Variants in NRDE2 observed in about 807,000 individuals in gnomAD.
NRDE2 encodes nuclear exosome regulator NRDE2.
NRDE2 carries 76 observed loss-of-function variants against 124.2 expected under a neutral mutation model. That is an observed-to-expected ratio of 0.61 (90% CI 0.51 to 0.74). The LOEUF is 0.74. Among genes scored for constraint, NRDE2 ranks in the 30% least tolerant of loss-of-function variants. The pLI is 0.00. For missense variants in NRDE2, 1,314 were observed against 1,417.3 expected (o/e 0.93, Z 1.17); for synonymous variants, 489 against 528.1 (o/e 0.93, Z 1.01).
chr14:90,284,611 C>T (rs771527886), intron 12 of NRDE2, among the ~76,000 whole-genome samples: 19 of 152,078 alleles, frequency 1.2e-4, no homozygotes, highest in African/African-American at 2.9e-4. Context: ...TCAGGTGATC[C>T]GGCTCCCTCA....
rs761465100 is a variant in NRDE2 at position 90,276,035 on chromosome 14, C to G, written c.*2301G>C. 1 of 152,182 alleles carries G rather than the reference C, an allele frequency of 6.6e-6. No individual in the cohort carries two copies. The highest frequency in any genetic ancestry group is 2.1e-4 in the South Asian group (1 of 4,830). 9.4% of individuals were successfully genotyped at this position (152,182 alleles called of 1,614,324 possible). A position where few individuals can be genotyped will look rare whatever the true frequency, so the allele number is the denominator to read the frequency against. Reference sequence around the variant, plus strand: ...CTGTCCCAAACCCGAGGTGGGCCGACCCCTGTGGTCTGATGTGATCAGTGA... The same window carrying G: ...CTGTCCCAAACCCGAGGTGGGCCGAGCCCTGTGGTCTGATGTGATCAGTGA... On this transcript the variant is annotated 3_prime_UTR_variant, in exon 14 of 14. Coordinates refer to ENST00000354366, the MANE Select transcript of NRDE2 (RefSeq NM_017970.4).
chr14:90,272,285 G>C lies in NRDE2; in HGVS notation c.*6051C>G. 6.2e-7 allele frequency: 1 copy of C among 1,603,796 alleles called. No homozygotes were observed. Among genetic ancestry groups the C allele is most frequent in the Non-Finnish European group, 8.5e-7 (1 of 1,178,162 alleles). On this transcript the variant is annotated 3_prime_UTR_variant, in exon 14 of 14. Transcript: ENST00000354366. The surrounding 1 kb of genome is among the most constrained non-coding windows in gnomAD (Gnocchi z 4.5). ...TTCTTTCTTACAGGCAATCTGTACA[G>C]AAGCTGGTCTGATGGCCTTAAGAGA...
intron 6 of NRDE2, 54 bp downstream of exon 6, chr14:90,302,666 A>T (rs1884447192): frequency 6.2e-6 from 9 of 1,461,900 alleles, no homozygotes; most frequent in African/African-American, 4.2e-5. Context: ...TTTCAAGTAA[A>T]GCCAAAAGAA....
chr14:90,292,962 C>T (rs1892313691), intron 8 of NRDE2, 90 bp from the exon 9 acceptor site: 1 of 1,178,704 alleles, frequency 8.5e-7, no homozygotes, highest in Admixed American at 1.9e-5. Context: ...CTGTTGGGCA[C>T]CCGCAATGCC....
intron 1 of NRDE2, among the ~76,000 whole-genome samples, chr14:90,323,077 T>C (rs1191388761): frequency 1.3e-5 from 2 of 152,238 alleles, no homozygotes; most frequent in African/African-American, 2.4e-5. Context: ...CATTGTATTA[T>C]GCATACACAC....
intron 1 of NRDE2, among the ~76,000 whole-genome samples, chr14:90,330,005 G>A (rs573631004): frequency 3.3e-5 from 5 of 149,736 alleles, no homozygotes; most frequent in African/African-American, 9.8e-5. Flanking sequence ...TTAGGAGTTC[G>A]AGACCAGCCT....
At chr14:90,315,894 T>C (rs1277128828) in intron 3 of NRDE2, among the ~76,000 whole-genome samples, 3 of 148,584 alleles carry the variant, frequency 2.0e-5, no homozygotes, top group Non-Finnish European at 4.4e-5. Flanking sequence ...GAGGTAAAGG[T>C]TGTGGTGAGC....
In NRDE2 at chr14:90,279,046, G is replaced by A. The variant is rs1199751026; in HGVS notation, c.3369+16C>T. The A allele has an allele frequency of 1.3e-6, 2 of 1,583,244 alleles. No homozygotes were observed. Among genetic ancestry groups the A allele is most frequent in the African/African-American group, 1.3e-5 (1 of 74,658 alleles). The stretch of plus-strand genomic sequence containing the variant: ...GTTTTCGGGAAGCTGAAGACACCAT[G>A]GCCTTTAACACTTACCTTTGCCCAA... On this transcript the variant is annotated intron_variant, in intron 13 of 13. Coordinates refer to ENST00000354366, the MANE Select transcript of NRDE2 (RefSeq NM_017970.4).
At position 90,271,955 on chromosome 14, in the gene NRDE2, C is replaced by T. The variant is rs1458402410; in HGVS notation, c.*6381G>A. 4 of 197,006 alleles carry T rather than the reference C, an allele frequency of 2.0e-5. No individual in the cohort carries two copies. Among genetic ancestry groups the T allele is most frequent in the South Asian group, 6.6e-5 (1 of 15,264 alleles). The allele number at this position is 197,006 out of a possible 1,614,324, so 12.2% of individuals were successfully genotyped here. On this transcript the variant is annotated 3_prime_UTR_variant, in exon 14 of 14. Transcript: ENST00000354366. ...TTGCTCAGGCTAGAGTGCAGTGGCGCGATCTCGGCTCACTGTAACCTCTGC... is the reference window on the plus strand; with the variant it reads ...TTGCTCAGGCTAGAGTGCAGTGGCGTGATCTCGGCTCACTGTAACCTCTGC...
intron 12 of NRDE2, among the ~76,000 whole-genome samples, chr14:90,282,413 C>A (rs1008353850): frequency 6.6e-6 from 1 of 151,566 alleles, no homozygotes; most frequent in African/African-American, 2.4e-5. Flanking sequence ...GAGGTTGAGG[C>A]TGCAGTGAGT....
chr14:90,277,366 C>A lies in NRDE2; in HGVS notation c.*970G>T, dbSNP rs1235447799. The A allele has an allele frequency of 1.3e-5, 2 of 152,278 alleles. No individual in the cohort carries two copies. The highest frequency in any genetic ancestry group is 2.4e-5 in the African/African-American group (1 of 41,472). The allele number at this position is 152,278 out of a possible 1,614,324, so 9.4% of individuals were successfully genotyped here. ...CAAAACAAAAAAAGCCAGAGAGAAGCTAGCCAGTCTAGAGCTCGGAGAAGA... is the reference window on the plus strand; with the variant it reads ...CAAAACAAAAAAAGCCAGAGAGAAGATAGCCAGTCTAGAGCTCGGAGAAGA... On this transcript the variant is annotated 3_prime_UTR_variant, in exon 14 of 14. Coordinates refer to ENST00000354366, the MANE Select transcript of NRDE2 (RefSeq NM_017970.4).
chr14:90,304,977 A>C (rs1455851835), intron 4 of NRDE2, among the ~76,000 whole-genome samples: 1 of 152,222 alleles, frequency 6.6e-6, no homozygotes, highest in Non-Finnish European at 1.5e-5. Context: ...CTTTTATGGA[A>C]CATGTAGGCG....
Position 90,303,106 on chromosome 14 carries a change from G to A in NRDE2, c.1025C>T (p.Pro342Leu). 1.2e-6 allele frequency: 2 copies of A among 1,613,408 alleles called. No homozygotes were observed. The highest frequency in any genetic ancestry group is 1.7e-6 in the Non-Finnish European group (2 of 1,179,720). The stretch of plus-strand genomic sequence containing the variant: ...TCCTTCCTCGATGGCATACAGGCCA[G>A]GACTTTTCATGACCTCGTCCTCAAC... ...VAFQDEVMKS[P>L]GLYAIEEGEQ... Residue 342 changes from proline to leucine, a missense_variant, in exon 6 of 14, where the codon CCT (proline) becomes CTT (leucine). Coordinates refer to ENST00000354366, the MANE Select transcript of NRDE2 (RefSeq NM_017970.4).
chr14:90,278,806 C>T (rs914642931), intron 13 of NRDE2: 1 of 560,048 alleles, frequency 1.8e-6, no homozygotes, highest in Non-Finnish European at 3.2e-6. Context: ...CTGGGCTGGA[C>T]TCTGACCAAA....
intron 4 of NRDE2, among the ~76,000 whole-genome samples, chr14:90,308,867 A>C (rs1256648628): frequency 6.6e-6 from 1 of 152,176 alleles, no homozygotes; most frequent in Non-Finnish European, 1.5e-5. Flanking sequence ...TGTCAACCGC[A>C]CAGGGAACCA....
intron 7 of NRDE2, among the ~76,000 whole-genome samples, chr14:90,300,931 CACAG>C (rs1443877926): frequency 1.6e-5 from 2 of 122,074 alleles, no homozygotes; most frequent in Non-Finnish European, 1.7e-5. Flanking sequence ...AAAGGAGGAA[CACAG>C]GCAGGCAGGC....
chr14:90,301,090 C>G (rs1595065370), intron 7 of NRDE2, 149 bp downstream of exon 7: 1 of 737,168 alleles, frequency 1.4e-6, no homozygotes, highest in Middle Eastern at 4.2e-4. Flanking sequence ...TCCTCCTCAG[C>G]AGACTGATAT....
chr14:90,299,374 C>T lies in NRDE2; in HGVS notation c.1546-994G>A, dbSNP rs367856077. On this transcript the variant is annotated intron_variant, in intron 7 of 13. Transcript: ENST00000354366. ...AAAGGTCTGCATTTTAAAGCCTGGCCCCATTAGCACCTCCCTCATTCATTC... is the reference window on the plus strand; with the variant it reads ...AAAGGTCTGCATTTTAAAGCCTGGCTCCATTAGCACCTCCCTCATTCATTC... 2.0e-3 allele frequency among the ~76,000 whole-genome samples: 292 copies of T among 144,360 alleles called. 1 individual carries two copies. In the Middle Eastern group the frequency reaches 0.038, roughly 19 times the overall value. 94.7% of individuals were successfully genotyped at this position (144,360 alleles called of 152,430 possible).
Position 90,330,486 on chromosome 14 carries a change from GACA to G in NRDE2, c.64+1352_64+1354del, listed in dbSNP as rs1391948925. Among the ~76,000 whole-genome samples the G allele has an allele frequency of 1.3e-5, 2 of 152,144 alleles. 1 individual carries two copies. The highest frequency in any genetic ancestry group is 3.9e-4 in the East Asian group (2 of 5,190). Reference sequence around the variant, plus strand: ...TAGAGATTACAGTCTAGTAAGGGAAGACAACAATTTTACACAAGAAATTACTCA... The same window carrying G: ...TAGAGATTACAGTCTAGTAAGGGAAGACAATTTTACACAAGAAATTACTCA... On this transcript the variant is annotated intron_variant, in intron 1 of 13. Transcript: ENST00000354366.
Sources: allele counts gnomAD v4.1 joint callset (sites outside exome capture counted in the v4.1 genomes callset), GRCh38; gene constraint gnomAD v4.1.1; non-coding constraint Gnocchi (gnomAD v3.1); transcripts MANE v1.5; gene names NCBI Gene and HGNC (gene_info 2026-07-23, HGNC 2026-07-21).